RAB27B: variants seen among roughly 807,000 people sequenced by gnomAD.
The protein encoded by RAB27B is RAB27B, member RAS oncogene family.
Under a neutral mutation model 24.6 loss-of-function variants are expected in RAB27B, and 15 were observed. The ratio of observed to expected loss-of-function variants is 0.61; its 90% CI spans 0.41 to 0.94. The LOEUF (loss-of-function observed/expected upper bound fraction) is 0.94. Among genes scored for constraint, RAB27B ranks in the 40% least tolerant of loss-of-function variants. The pLI is 0.00. For missense variants in RAB27B, 261 were observed against 266.8 expected, an observed-to-expected ratio of 0.98 and a Z score of 0.15; for synonymous variants, 105 against 92.5, an observed-to-expected ratio of 1.14 and a Z score of -0.78.
Position 54,893,673 on chromosome 18 carries a change from T to C in RAB27B, c.*4260T>C, listed in dbSNP as rs751531338. ...TAAATCCATGAAGCTGCTTGTCTCA[T>C]AAAGTAGAACTGATACAAATTTTGG... is the stretch of plus-strand genomic sequence containing the variant. On this transcript the variant is annotated 3_prime_UTR_variant, in exon 6 of 6. Coordinates refer to ENST00000262094, the MANE Select transcript of RAB27B (RefSeq NM_004163.4). 1.3e-5 allele frequency: 2 copies of C among 152,036 alleles called. No individual in the cohort carries two copies. The allele number at this position is 152,036 out of a possible 1,614,324, so 9.4% of individuals were successfully genotyped here.
intron 2 of RAB27B, among the ~76,000 whole-genome samples, 173 bp downstream of exon 2, chr18:54,877,911 T>C (rs190046309): frequency 2.0e-4 from 31 of 152,318 alleles, no homozygotes; most frequent in African/African-American, 6.0e-4. Flanking sequence ...AAATAACATT[T>C]TCCTAGAAAA....
In RAB27B at chr18:54,889,223, G is replaced by A; in HGVS notation, c.468-1G>A. The stretch of plus-strand genomic sequence containing the variant: ...AATATTTGCCATCCTTTCTATGCTA[G>A]CATACCATATTTTGAAACAAGTGCA... On this transcript the variant is annotated splice_acceptor_variant, in intron 5 of 5. Transcript: ENST00000262094. LOFTEE classifies it high-confidence loss of function. 6 of 1,605,968 alleles carry A rather than the reference G, an allele frequency of 3.7e-6. No homozygotes were observed. Among genetic ancestry groups the A allele is most frequent in the Non-Finnish European group, 5.1e-6 (6 of 1,176,614 alleles).
intron 2 of RAB27B, among the ~76,000 whole-genome samples, chr18:54,813,218 T>A (rs1442234929): frequency 6.6e-6 from 1 of 152,198 alleles, no homozygotes; most frequent in Non-Finnish European, 1.5e-5. Context: ...TACCTTCTTC[T>A]ATTGCCTACT....
At chr18:54,830,065 G>T (rs1433912872) in intron 1 of RAB27B, among the ~76,000 whole-genome samples, 1 of 152,188 alleles carries the variant, frequency 6.6e-6, no homozygotes, top group East Asian at 1.9e-4. Flanking sequence ...TGTTCTCATA[G>T]TTGCCAAGAA....
At chr18:54,858,544 C>T (rs56396522) in intron 1 of RAB27B, among the ~76,000 whole-genome samples, 35,438 of 151,770 alleles carry the variant, frequency 0.23, 4,186 homozygotes, top group South Asian at 0.33. Context: ...CCAGTACGCC[C>T]GGCTAATTTT....
At chr18:54,840,346 T>C (rs1911060576) in intron 1 of RAB27B, among the ~76,000 whole-genome samples, 1 of 152,216 alleles carries the variant, frequency 6.6e-6, no homozygotes, top group Admixed American at 6.5e-5. Context: ...GATAAATTAA[T>C]TTCTGCTAAA....
At chr18:54,873,275 C>A (rs1342879658) in intron 1 of RAB27B, among the ~76,000 whole-genome samples, 1 of 152,162 alleles carries the variant, frequency 6.6e-6, no homozygotes, top group Non-Finnish European at 1.5e-5. Flanking sequence ...CATTTCAGTT[C>A]TTTTCCCTAC....
chr18:54,834,253 G>C (rs1308465791), intron 1 of RAB27B, among the ~76,000 whole-genome samples: 1 of 152,176 alleles, frequency 6.6e-6, no homozygotes, highest in Non-Finnish European at 1.5e-5. Flanking sequence ...TGTATTCAAG[G>C]ATACCAAGAC....
At chr18:54,867,966 G>A (rs11660179) in intron 1 of RAB27B, among the ~76,000 whole-genome samples, 34,847 of 152,016 alleles carry the variant, frequency 0.23, 4,065 homozygotes, top group South Asian at 0.32. Context: ...GATATAGTTT[G>A]GAGATTTGTC....
intron 2 of RAB27B, among the ~76,000 whole-genome samples, chr18:54,763,744 T>A (rs1017064051): frequency 6.6e-6 from 1 of 152,166 alleles, no homozygotes; most frequent in Non-Finnish European, 1.5e-5. Context: ...TCCCTGTGCC[T>A]TACTTGTTTC....
At position 54,890,178 on chromosome 18, in the gene RAB27B, TGGAA is replaced by T. The variant is rs1249082468; in HGVS notation, c.*768_*771del. On this transcript the variant is annotated 3_prime_UTR_variant, in exon 6 of 6. Coordinates refer to ENST00000262094, the MANE Select transcript of RAB27B (RefSeq NM_004163.4). ...ATTCAATGTATCTGTTAGAGATGTC[TGGAA>T]GGGTTACTTAGCCAAATTTTACTCA... 1 of 152,142 alleles carries T rather than the reference TGGAA, an allele frequency of 6.6e-6. No individual in the cohort carries two copies. The highest frequency in any genetic ancestry group is 1.5e-5 in the Non-Finnish European group (1 of 67,986). 9.4% of individuals were successfully genotyped at this position (152,142 alleles called of 1,614,324 possible).
chr18:54,782,980 C>G (rs1908962519), intron 2 of RAB27B, among the ~76,000 whole-genome samples: 2 of 150,916 alleles, frequency 1.3e-5, no homozygotes, highest in Admixed American at 6.6e-5. Context: ...TTCTTTGAGA[C>G]AGAGTCTCAC....
At chr18:54,768,987 C>T (rs750676460) in intron 2 of RAB27B, among the ~76,000 whole-genome samples, 3 of 152,086 alleles carry the variant, frequency 2.0e-5, no homozygotes, top group Non-Finnish European at 2.9e-5. Context: ...AGGCCACTCC[C>T]AAATCTCATG....
rs552771860 is a variant in RAB27B, at chr18:54,759,531, G to C, written c.-20+41390G>C. On this transcript the variant is annotated intron_variant, in intron 2 of 4. Coordinates refer to the RAB27B transcript ENST00000586570. ...GCCTGAGCAATCACTAATTAGCTCTGTGATACCGACAGAAGGCAGGGAAAT... is the reference window on the plus strand; with the variant it reads ...GCCTGAGCAATCACTAATTAGCTCTCTGATACCGACAGAAGGCAGGGAAAT... 5.9e-5 allele frequency among the ~76,000 whole-genome samples: 9 copies of C among 152,338 alleles called. No homozygotes were observed. The South Asian group carries it at 1.4e-3, about 25-fold the overall frequency.
intron 1 of RAB27B, among the ~76,000 whole-genome samples, chr18:54,840,010 A>G (rs1911046153): frequency 6.6e-6 from 1 of 152,240 alleles, no homozygotes; most frequent in South Asian, 2.1e-4. Context: ...AAGAAATAAT[A>G]TATCCTCAGA....
chr18:54,745,786 AT>A (rs1910220025), intron 2 of RAB27B, among the ~76,000 whole-genome samples: 2 of 146,692 alleles, frequency 1.4e-5, no homozygotes, highest in South Asian at 4.2e-4. Context: ...ATAAATATTT[AT>A]TATTTATATA....
intron 2 of RAB27B, among the ~76,000 whole-genome samples, chr18:54,731,771 A>C (rs1200581401): frequency 4.6e-5 from 7 of 152,216 alleles, no homozygotes; most frequent in Non-Finnish European, 1.5e-5. Context: ...ACTAGGTTCC[A>C]ACACAAAGCA....
intron 2 of RAB27B, among the ~76,000 whole-genome samples, chr18:54,746,819 A>T (rs1267320849): frequency 6.6e-6 from 1 of 152,144 alleles, no homozygotes; most frequent in African/African-American, 2.4e-5. Flanking sequence ...AATGCATAAG[A>T]TTTCTTATTA....
intron 1 of RAB27B, among the ~76,000 whole-genome samples, chr18:54,871,666 C>A (rs960050389): frequency 1.3e-5 from 2 of 151,786 alleles, no homozygotes; most frequent in Non-Finnish European, 2.9e-5. Context: ...CTGACTAACA[C>A]GGTGAAACCC....
Sources: gnomAD v4.1 joint callset for allele counts (sites outside exome capture counted in the v4.1 genomes callset) on GRCh38, gnomAD v4.1.1 for gene constraint, MANE v1.5 for transcripts, NCBI Gene and HGNC (gene_info 2026-07-23, HGNC 2026-07-21) for gene names.